The following CBY1 variants were observed in gnomAD, a reference collection of about 807,000 sequenced individuals.
The protein encoded by CBY1 is protein chibby homolog 1.
CBY1 carries 10 observed loss-of-function variants against 15.6 expected under a neutral mutation model. The ratio of observed to expected loss-of-function variants is 0.64; its 90% CI spans 0.40 to 1.09. The LOEUF (loss-of-function observed/expected upper bound fraction) is 1.09, where lower values mean the gene tolerates loss of function less well. CBY1 is among the 50% of genes least tolerant of loss of function. CBY1 has a pLI of 0.01. For synonymous variants in CBY1, 61 were observed against 63.5 expected (o/e 0.96, Z 0.19); for missense variants, 150 against 160.5 (o/e 0.93, Z 0.35).
chr22:38,659,508 C>T (rs1403326612), intron 1 of CBY1, among the ~76,000 whole-genome samples: 2 of 152,100 alleles, frequency 1.3e-5, no homozygotes, highest in Admixed American at 6.6e-5. Context: ...CCTCAGCCTC[C>T]GAAAGTGCTG....
At chr22:38,662,506 C>T (rs374274673) in intron 1 of CBY1, among the ~76,000 whole-genome samples, 2 of 151,230 alleles carry the variant, frequency 1.3e-5, no homozygotes, top group Non-Finnish European at 2.9e-5. Flanking sequence ...TTTTGGGGGG[C>T]GGGGGACAGG....
intron 2 of CBY1, among the ~76,000 whole-genome samples, chr22:38,669,172 G>A (rs907580247): frequency 6.6e-6 from 1 of 152,088 alleles, no homozygotes; most frequent in Non-Finnish European, 1.5e-5. Context: ...GCTCCATATG[G>A]TCACTGGTGG....
chr22:38,668,262 A>C (rs1333464682), intron 2 of CBY1, 130 bp downstream of exon 2: 2 of 587,804 alleles, frequency 3.4e-6, no homozygotes. Flanking sequence ...TATCATTGCT[A>C]TTGCGGAAAA....
intron 1 of CBY1, among the ~76,000 whole-genome samples, chr22:38,658,728 G>A (rs533894141): frequency 3.3e-5 from 5 of 152,166 alleles, no homozygotes; most frequent in South Asian, 4.1e-4. Flanking sequence ...CGCCCGCCTC[G>A]GCCTCCCAAA....
rs1034816378 is a variant in CBY1, at chr22:38,656,765, C to A, written c.-39+15C>A. 1 of 152,354 alleles carries A rather than the reference C, an allele frequency of 6.6e-6. No homozygotes were observed. Among genetic ancestry groups the A allele is most frequent in the African/African-American group, 2.4e-5 (1 of 41,468 alleles). 9.4% of individuals were successfully genotyped at this position (152,354 alleles called of 1,614,324 possible). ...GGACGCGTCAGGTACGTCTCCGAGT[C>A]CGGCGTCGCCGGCCAGCGCTGCCTG... is the stretch of plus-strand genomic sequence containing the variant. On this transcript the variant is annotated intron_variant, in intron 1 of 4. Transcript: ENST00000216029.
intron 1 of CBY1, chr22:38,665,692 CT>C: frequency 8.2e-7 from 1 of 1,226,828 alleles, no homozygotes; most frequent in Non-Finnish European, 1.0e-6. Context: ...CCAGGTGAGG[CT>C]TATGGAGTGC....
chr22:38,670,096 G>A (rs1406036916), intron 2 of CBY1: 1 of 152,322 alleles, frequency 6.6e-6, no homozygotes, highest in East Asian at 1.9e-4. Flanking sequence ...CAGGTGTGGT[G>A]GCGTGCGCCT....
At chr22:38,663,368 T>C (rs1164563351) in intron 1 of CBY1, among the ~76,000 whole-genome samples, 3 of 151,476 alleles carry the variant, frequency 2.0e-5, no homozygotes, top group Non-Finnish European at 4.4e-5. Context: ...AGCAGGAGAA[T>C]CGCTTGAACC....
At chr22:38,666,893 AG>A (rs1047057931) in intron 1 of CBY1, among the ~76,000 whole-genome samples, 58 of 151,846 alleles carry the variant, frequency 3.8e-4, no homozygotes, top group African/African-American at 1.4e-3. Context: ...TAGTAGAGAC[AG>A]GGTTTCACCA....
At chr22:38,672,199 T>G (rs2092454292) in intron 4 of CBY1, among the ~76,000 whole-genome samples, 1 of 150,736 alleles carries the variant, frequency 6.6e-6, no homozygotes, top group Non-Finnish European at 1.5e-5. Flanking sequence ...GAGGTGGAGG[T>G]TGCAGTGGGC....
At chr22:38,672,015 G>A (rs971276371) in intron 4 of CBY1, among the ~76,000 whole-genome samples, 3 of 151,064 alleles carry the variant, frequency 2.0e-5, no homozygotes, top group African/African-American at 4.9e-5. Context: ...TGTAATCTTA[G>A]CATTTTGGGA....
At chr22:38,657,605 C>G (rs1265028822) in intron 1 of CBY1, among the ~76,000 whole-genome samples, 1 of 152,238 alleles carries the variant, frequency 6.6e-6, no homozygotes, top group Non-Finnish European at 1.5e-5. Flanking sequence ...TAAAAGGTAG[C>G]TAATCCAGAC....
chr22:38,666,455 C>G (rs1460309889), intron 1 of CBY1: 1 of 151,964 alleles, frequency 6.6e-6, no homozygotes, highest in African/African-American at 2.4e-5. Context: ...CTTAACTAGG[C>G]CTAGGTGAAT....
intron 1 of CBY1, among the ~76,000 whole-genome samples, chr22:38,658,887 T>C (rs897346800): frequency 6.6e-5 from 10 of 152,240 alleles, no homozygotes; most frequent in African/African-American, 2.4e-4. Flanking sequence ...GGTTAGTTCA[T>C]ATACAGCTAT....
At chr22:38,658,159 T>C (rs1258449195) in intron 1 of CBY1, among the ~76,000 whole-genome samples, 1 of 151,988 alleles carries the variant, frequency 6.6e-6, no homozygotes, top group Admixed American at 6.6e-5. Context: ...GGGGTCTTGT[T>C]CTGTCACCCA....
intron 1 of CBY1, among the ~76,000 whole-genome samples, chr22:38,659,509 G>A (rs916887104): frequency 4.6e-5 from 7 of 152,104 alleles, no homozygotes; most frequent in Admixed American, 2.6e-4. Flanking sequence ...CTCAGCCTCC[G>A]AAAGTGCTGA....
chr22:38,665,411 C>G (rs1172138226), intron 1 of CBY1: 1 of 367,812 alleles, frequency 2.7e-6, no homozygotes, highest in Non-Finnish European at 4.8e-6. Flanking sequence ...CTACAGTGAA[C>G]AGAGATGGTA....
intron 1 of CBY1, among the ~76,000 whole-genome samples, chr22:38,659,199 G>A (rs5757216): frequency 0.29 from 44,742 of 151,904 alleles, 6,667 homozygotes; most frequent in East Asian, 0.36. Flanking sequence ...GCCTCCCAAA[G>A]TGCTGGGATT....
At chr22:38,670,394 CAA>C (rs781043682) in intron 2 of CBY1, 33 of 78,192 alleles carry the variant, frequency 4.2e-4, no homozygotes, top group East Asian at 7.2e-4. Context: ...AACTCCGTCT[CAA>C]AAAAAAAAAA....
Sources: gnomAD v4.1 joint callset for allele counts (sites outside exome capture counted in the v4.1 genomes callset) on GRCh38, gnomAD v4.1.1 for gene constraint, MANE v1.5 for transcripts, NCBI Gene and HGNC (gene_info 2026-07-23, HGNC 2026-07-21) for gene names.